Variants in TMC1 observed in about 807,000 individuals in gnomAD.
TMC1 encodes transmembrane channel like 1.
In TMC1, 84 loss-of-function variants were observed where a neutral mutation model predicts 105.8. The observed-to-expected ratio is 0.79, with a 90% CI of 0.67 to 0.95. The LOEUF is 0.95. Among genes scored for constraint, TMC1 ranks in the 40% least tolerant of loss-of-function variants. TMC1 has a pLI of 0.00. For missense variants in TMC1, 817 were observed against 914.1 expected, an observed-to-expected ratio of 0.89 and a Z score of 1.37; for synonymous variants, 315 against 311.5, an observed-to-expected ratio of 1.01 and a Z score of -0.12.
intron 9 of TMC1, among the ~76,000 whole-genome samples, chr9:72,741,863 CTTG>C (rs1827394948): frequency 6.6e-6 from 1 of 152,146 alleles, no homozygotes. Flanking sequence ...GATTTTATGA[CTTG>C]TTGTCTTCTC....
chr9:72,709,323 CTT>C (rs1207632275), intron 8 of TMC1, among the ~76,000 whole-genome samples: 1 of 151,890 alleles, frequency 6.6e-6, no homozygotes, highest in Non-Finnish European at 1.5e-5. Context: ...CTGTGGTTTT[CTT>C]TTTTTGTTTT....
chr9:72,820,630 C>G (rs1207334840), intron 19 of TMC1, among the ~76,000 whole-genome samples: 6 of 152,268 alleles, frequency 3.9e-5, no homozygotes, highest in Admixed American at 3.9e-4. Context: ...TTATGATATG[C>G]AATTCCTACA....
At chr9:72,631,834 A>G (rs1238544611) in intron 4 of TMC1, among the ~76,000 whole-genome samples, 3 of 152,356 alleles carry the variant, frequency 2.0e-5, no homozygotes, top group South Asian at 2.1e-4. Flanking sequence ...AGCGCATGCA[A>G]GAAGATGGGA....
chr9:72,676,952 ATC>A (rs150305271), intron 5 of TMC1, among the ~76,000 whole-genome samples: 15,442 of 151,914 alleles, frequency 0.1, 818 homozygotes, highest in Non-Finnish European at 0.13. Flanking sequence ...AATGAACCTG[ATC>A]TCTCTCTCTG....
chr9:72,630,328 A>G (rs1825428073), intron 4 of TMC1, among the ~76,000 whole-genome samples: 2 of 152,226 alleles, frequency 1.3e-5, no homozygotes, highest in South Asian at 4.1e-4. Context: ...AATATTTAAT[A>G]TTGGTAAGAA....
chr9:72,731,804 A>G (rs1241235635), intron 8 of TMC1, among the ~76,000 whole-genome samples: 1 of 152,168 alleles, frequency 6.6e-6, no homozygotes, highest in African/African-American at 2.4e-5. Context: ...CCCCTGCACC[A>G]GAATGTCCCT....
intron 20 of TMC1, 102 bp from the exon 21 acceptor site, chr9:72,826,767 G>A (rs1588104026): frequency 1.6e-6 from 2 of 1,252,284 alleles, no homozygotes; most frequent in Middle Eastern, 2.0e-4. Flanking sequence ...CCTGAAAGAG[G>A]ACCTAAGCAG....
At chr9:72,646,767 T>C (rs980365219) in intron 4 of TMC1, among the ~76,000 whole-genome samples, 2 of 152,072 alleles carry the variant, frequency 1.3e-5, no homozygotes, top group Non-Finnish European at 2.9e-5. Flanking sequence ...TTCAAATCTT[T>C]TACCATTTTT....
intron 5 of TMC1, among the ~76,000 whole-genome samples, chr9:72,661,145 C>T (rs1825964749): frequency 6.6e-6 from 1 of 152,098 alleles, no homozygotes; most frequent in Admixed American, 6.5e-5. Flanking sequence ...GAGCGAGACT[C>T]ATCTCAAAAA....
At chr9:72,532,405 G>GTGGTGCA (rs1384090620) in intron 1 of TMC1, among the ~76,000 whole-genome samples, 1 of 151,840 alleles carries the variant, frequency 6.6e-6, no homozygotes, top group African/African-American at 2.4e-5. Context: ...GCCAGGTATG[G>GTGGTGCA]TGGTGCATGC....
intron 5 of TMC1, among the ~76,000 whole-genome samples, chr9:72,656,488 G>A (rs994720059): frequency 6.6e-6 from 1 of 151,952 alleles, no homozygotes; most frequent in Non-Finnish European, 1.5e-5. Flanking sequence ...ATTTGAAAAC[G>A]TTTTTTAATC....
At chr9:72,710,976 T>A (rs1826825627) in intron 8 of TMC1, among the ~76,000 whole-genome samples, 1 of 152,182 alleles carries the variant, frequency 6.6e-6, no homozygotes, top group South Asian at 2.1e-4. Context: ...GTACATGTGT[T>A]CTCATTGTTC....
intron 12 of TMC1, among the ~76,000 whole-genome samples, chr9:72,762,472 AG>A (rs745306952): frequency 6.6e-6 from 1 of 152,190 alleles, no homozygotes; most frequent in Non-Finnish European, 1.5e-5. Context: ...TAGTTTCAAC[AG>A]GTTTCAAATG....
At chr9:72,554,885 T>G (rs909734501) in intron 1 of TMC1, among the ~76,000 whole-genome samples, 2 of 152,120 alleles carry the variant, frequency 1.3e-5, no homozygotes, top group Non-Finnish European at 2.9e-5. Flanking sequence ...ATTATTATTA[T>G]TATTATTTTT....
Position 72,752,741 on chromosome 9 carries a change from A to C in TMC1, c.642+785A>C, listed in dbSNP as rs370713665. On this transcript the variant is annotated intron_variant, in intron 11 of 23. Transcript: ENST00000297784. The stretch of plus-strand genomic sequence containing the variant: ...TTTTAGGACCAGTATTTCAAAGCAA[A>C]TTTGGTCCATACAGCATTGACAGTG... 1.8e-3 allele frequency among the ~76,000 whole-genome samples: 272 copies of C among 152,200 alleles called. 3 individuals are homozygous for C. Among genetic ancestry groups the C allele is most frequent in the African/African-American group, 6.4e-3 (267 of 41,496 alleles).
intron 12 of TMC1, among the ~76,000 whole-genome samples, chr9:72,766,511 A>G (rs1211043039): frequency 6.6e-6 from 1 of 151,944 alleles, no homozygotes; most frequent in African/African-American, 2.4e-5. Context: ...GAAAATTCCC[A>G]TTTGTTGGAG....
At chr9:72,581,543 G>C (rs1468445583) in intron 2 of TMC1, among the ~76,000 whole-genome samples, 1 of 152,188 alleles carries the variant, frequency 6.6e-6, no homozygotes, top group Non-Finnish European at 1.5e-5. Flanking sequence ...TCTTGGGCCA[G>C]TTTTATTACT....
At position 72,826,864 on chromosome 9, in the gene TMC1, C is replaced by T. The variant is rs1474821726; in HGVS notation, c.2004-5C>T. ...AACTTATCTCCCCCTTTTTAATTCC[C>T]CCAGTGGCAAAAATAGAATGTTTGA... On this transcript the variant is annotated splice_region_variant and splice_polypyrimidine_tract_variant and intron_variant, in intron 20 of 23. Coordinates refer to ENST00000297784, the MANE Select transcript of TMC1 (RefSeq NM_138691.3). The T allele has an allele frequency of 2.5e-6, 4 of 1,613,770 alleles. No homozygotes were observed. The highest frequency in any genetic ancestry group is 2.2e-5 in the East Asian group (1 of 44,874).
chr9:72,595,868 G>T (rs1350395743), intron 2 of TMC1, among the ~76,000 whole-genome samples: 2 of 141,388 alleles, frequency 1.4e-5, no homozygotes, highest in Non-Finnish European at 3.0e-5. Flanking sequence ...TAGAGATGGG[G>T]TTTCTTTTTT....
Sources: allele counts gnomAD v4.1 joint callset (sites outside exome capture counted in the v4.1 genomes callset), GRCh38; gene constraint gnomAD v4.1.1; transcripts MANE v1.5; gene names NCBI Gene and HGNC (gene_info 2026-07-23, HGNC 2026-07-21).